Variants in SAMD8 observed in about 807,000 individuals in gnomAD.
The protein encoded by SAMD8 is sphingomyelin synthase-related protein 1.
Under a neutral mutation model 42.0 loss-of-function variants are expected in SAMD8, and 20 were observed. The observed-to-expected ratio is 0.48, with a 90% CI of 0.34 to 0.69. SAMD8 has a LOEUF of 0.69. Among genes scored for constraint, SAMD8 ranks in the 30% least tolerant of loss-of-function variants. SAMD8 has a pLI of 0.01. For synonymous variants in SAMD8, 162 were observed against 173.0 expected, an observed-to-expected ratio of 0.94 and a Z score of 0.50; for missense variants, 328 against 511.6, an observed-to-expected ratio of 0.64 and a Z score of 3.46.
chr10:75,150,760 AT>A lies in SAMD8; in HGVS notation c.233del (p.Ile78AsnfsTer6). On this transcript the variant is annotated frameshift_variant, in exon 2 of 6. Coordinates refer to ENST00000542569, the MANE Select transcript of SAMD8 (RefSeq NM_001174156.2). LOFTEE classifies it high-confidence loss of function. ...GCTCTCAGTCCGAAAATTGCAGAAA[AT>A]ACATATTGATGTTTTAGAAGAGATG... The part of the protein sequence containing the change: ...LMLSVRKLQK[I>X]HIDVLEEMGY... 1 of 1,614,206 alleles carries A rather than the reference AT, an allele frequency of 6.2e-7. No homozygotes were observed. Among genetic ancestry groups the A allele is most frequent in the Non-Finnish European group, 8.5e-7 (1 of 1,180,036 alleles).
intron 1 of SAMD8, among the ~76,000 whole-genome samples, chr10:75,142,582 G>A (rs937852417): frequency 3.3e-5 from 5 of 151,948 alleles, no homozygotes; most frequent in Admixed American, 6.6e-5. Flanking sequence ...GACTATAGGC[G>A]CGTGCCACCA....
At chr10:75,101,852 G>C in intron 1 of SAMD8, 1 of 1,363,706 alleles carries the variant, frequency 7.3e-7, no homozygotes, top group Non-Finnish European at 9.8e-7. Flanking sequence ...CCCCAAATTA[G>C]GAGCACTCAC....
intron 1 of SAMD8, among the ~76,000 whole-genome samples, chr10:75,117,045 A>C (rs993688779): frequency 6.7e-6 from 1 of 150,296 alleles, no homozygotes. Context: ...TCCTCGGCTC[A>C]AGGCATCCAC....
chr10:75,167,610 T>A (rs1333308363), intron 3 of SAMD8, among the ~76,000 whole-genome samples: 1 of 152,222 alleles, frequency 6.6e-6, no homozygotes, highest in Non-Finnish European at 1.5e-5. Context: ...TTTTTATTTT[T>A]TGAGACAAGT....
At chr10:75,152,438 C>T (rs928277563) in intron 2 of SAMD8, among the ~76,000 whole-genome samples, 54 of 146,056 alleles carry the variant, frequency 3.7e-4, no homozygotes, top group African/African-American at 1.3e-3. Flanking sequence ...AGGAGAATGG[C>T]GTGAACCCGG....
intron 3 of SAMD8, among the ~76,000 whole-genome samples, chr10:75,167,510 G>A (rs1840716099): frequency 6.6e-6 from 1 of 152,126 alleles, no homozygotes; most frequent in Non-Finnish European, 1.5e-5. Flanking sequence ...ATAGACATGA[G>A]CCACTGCACC....
chr10:75,176,404 G>A lies in SAMD8; in HGVS notation c.960G>A (p.Trp320Ter). Residue 320 changes from tryptophan to a stop codon, truncating the protein, a stop_gained, in exon 6 of 6, where the codon TGG (tryptophan) becomes TGA (stop). Coordinates refer to ENST00000542569, the MANE Select transcript of SAMD8 (RefSeq NM_001174156.2). LOFTEE classifies it high-confidence loss of function. This position sits in a 1 kb window ranked among gnomAD's most constrained non-coding sequence, Gnocchi z 4.3. ...TTTTCCTAGATACACCAAGAAGCTG[G>A]AATTTCTTGCACACTTTATCCTGGG... Reference protein sequence around the residue: ...FFVTEYTPRSWNFLHTLSWVL... With the variant: ...FFVTEYTPRS The A allele has an allele frequency of 6.5e-7, 1 of 1,546,766 alleles. No individual in the cohort carries two copies.
At position 75,172,093 on chromosome 10, in the gene SAMD8, G is replaced by A. The variant is rs1272123917; in HGVS notation, c.792+3435G>A. 2.0e-5 allele frequency among the ~76,000 whole-genome samples: 3 copies of A among 151,748 alleles called. No homozygotes were observed. In the East Asian group the frequency reaches 5.8e-4, roughly 29 times the overall value. On this transcript the variant is annotated intron_variant, in intron 4 of 5. Transcript: ENST00000542569. ...TTGAAAAGATGAGTTTTTCACTACT[G>A]CCAACATGTATGCGTGTCAGCTTTC...
At chr10:75,133,941 G>T (rs944101987) in intron 1 of SAMD8, among the ~76,000 whole-genome samples, 2 of 152,140 alleles carry the variant, frequency 1.3e-5, no homozygotes, top group Non-Finnish European at 2.9e-5. Flanking sequence ...TGGTGTATAT[G>T]TACCACATTT....
rs914094178 is a variant in SAMD8, at chr10:75,135,895, C to CT, written c.-15-14610dup. On this transcript the variant is annotated intron_variant, in intron 1 of 5. Coordinates refer to ENST00000542569, the MANE Select transcript of SAMD8 (RefSeq NM_001174156.2). ...GAATGAATTATTATTTTGATTGCTG[C>CT]TTTTTTTTTGCACATTTATTTAATA... 1.4e-4 allele frequency among the ~76,000 whole-genome samples: 21 copies of CT among 150,532 alleles called. No individual in the cohort carries two copies. The South Asian group carries it at 3.4e-3, about 24-fold the overall frequency.
intron 1 of SAMD8, 44 bp downstream of exon 1, chr10:75,111,766 C>T (rs1157355801): frequency 2.4e-6 from 3 of 1,232,600 alleles, no homozygotes; most frequent in East Asian, 3.2e-5. Context: ...TTGGGGGGCG[C>T]CTGCTGCCAA....
upstream of SAMD8, chr10:75,111,421 C>T (rs1265283354): frequency 1.0e-6 from 1 of 970,382 alleles, no homozygotes; most frequent in Non-Finnish European, 1.3e-6. Context: ...AGCCTCGCGT[C>T]TTTTCCAGTG....
chr10:75,110,595 A>G (rs1848741684), upstream of SAMD8, among the ~76,000 whole-genome samples: 1 of 152,138 alleles, frequency 6.6e-6, no homozygotes, highest in East Asian at 1.9e-4. Flanking sequence ...AAGACCAAGG[A>G]GGGGCTCGTG....
At chr10:75,145,057 A>C (rs1214000957) in intron 1 of SAMD8, among the ~76,000 whole-genome samples, 1 of 152,070 alleles carries the variant, frequency 6.6e-6, no homozygotes, top group Admixed American at 6.6e-5. Flanking sequence ...ATTTCATTTT[A>C]TCTCTAGAAC....
chr10:75,104,080 AG>A (rs1354882560), intron 1 of SAMD8: 3 of 1,356,152 alleles, frequency 2.2e-6, no homozygotes, highest in Non-Finnish European at 2.9e-6. Context: ...GCCCCATGGC[AG>A]GGAGTAAGGA....
chr10:75,172,754 C>T (rs918194938), intron 4 of SAMD8, among the ~76,000 whole-genome samples: 12 of 152,064 alleles, frequency 7.9e-5, no homozygotes, highest in African/African-American at 1.9e-4. Flanking sequence ...CCTCGACCTC[C>T]GAAAGTGCTG....
intron 2 of SAMD8, among the ~76,000 whole-genome samples, chr10:75,155,448 G>T (rs72805350): frequency 0.074 from 11,069 of 149,510 alleles, 518 homozygotes; most frequent in African/African-American, 0.12. Context: ...CAGTATGCCA[G>T]AAGCCAAGCA....
intron 1 of SAMD8, among the ~76,000 whole-genome samples, chr10:75,127,333 G>A (rs559690736): frequency 6.6e-6 from 1 of 152,228 alleles, no homozygotes; most frequent in African/African-American, 2.4e-5. Flanking sequence ...GCAGTATATT[G>A]TCATGGGTAA....
intron 1 of SAMD8, among the ~76,000 whole-genome samples, chr10:75,102,656 A>T (rs898542363): frequency 2.0e-5 from 3 of 151,680 alleles, no homozygotes; most frequent in Non-Finnish European, 4.4e-5. Flanking sequence ...AAAAATACAA[A>T]AAATTAGTGA....
Sources: allele counts gnomAD v4.1 joint callset (sites outside exome capture counted in the v4.1 genomes callset), GRCh38; gene constraint gnomAD v4.1.1; non-coding constraint Gnocchi (gnomAD v3.1); transcripts MANE v1.5; gene names NCBI Gene and HGNC (gene_info 2026-07-23, HGNC 2026-07-21).